Variants in SKAP2 observed in about 807,000 individuals in gnomAD.
SKAP2 encodes src kinase-associated phosphoprotein 2.
Under a neutral mutation model 54.9 loss-of-function variants are expected in SKAP2, and 28 were observed. That is an observed-to-expected ratio of 0.51 (90% CI 0.38 to 0.70). The LOEUF (loss-of-function observed/expected upper bound fraction) is 0.70, where lower values mean the gene tolerates loss of function less well. Among genes scored for constraint, SKAP2 ranks in the 30% least tolerant of loss-of-function variants. The pLI, the probability that SKAP2 is intolerant of heterozygous loss-of-function variation, is 0.00. For missense variants in SKAP2, 356 were observed against 424.1 expected (o/e 0.84, Z 1.41); for synonymous variants, 137 against 134.3 (o/e 1.02, Z -0.14).
chr7:26,855,957 T>C (rs886345767), intron 1 of SKAP2, among the ~76,000 whole-genome samples: 1 of 152,110 alleles, frequency 6.6e-6, no homozygotes, highest in African/African-American at 2.4e-5. Context: ...CAAAACAATA[T>C]TACGTATAAA....
rs143130133 is a variant in SKAP2 at position 26,701,314 on chromosome 7, G to T, written c.797-10952C>A. Among the ~76,000 whole-genome samples the T allele has an allele frequency of 4.9e-4, 75 of 152,190 alleles. 1 individual carries two copies. The highest frequency in any genetic ancestry group is 1.8e-3 in the African/African-American group (74 of 41,534). Reference sequence around the variant, plus strand: ...TGAACCACTGTCTCTAATAAGTTTTGAAAACAAAAACACACAACTGTCATA... The same window carrying T: ...TGAACCACTGTCTCTAATAAGTTTTTAAAACAAAAACACACAACTGTCATA... On this transcript the variant is annotated intron_variant, in intron 9 of 12. Transcript: ENST00000345317.
intron 4 of SKAP2, among the ~76,000 whole-genome samples, chr7:26,824,098 G>T (rs1784440693): frequency 2.6e-5 from 1 of 37,878 alleles, no homozygotes; most frequent in Admixed American, 3.3e-4. Flanking sequence ...ATGGAAAGAA[G>T]AATCAATCAA....
chr7:26,658,227 C>A, the SKAP2 span, among the ~76,000 whole-genome samples: 1 of 152,198 alleles, frequency 6.6e-6, no homozygotes, highest in African/African-American at 2.4e-5. Flanking sequence ...ACTTTGGAGA[C>A]CAATTTGTTT....
intron 1 of SKAP2, chr7:26,857,821 G>T: frequency 1.3e-6 from 1 of 764,462 alleles, no homozygotes; most frequent in Non-Finnish European, 1.6e-6. Context: ...CTGGCTGGTT[G>T]GAGAAGAGAT....
intron 4 of SKAP2, among the ~76,000 whole-genome samples, chr7:26,743,437 A>G (rs34616067): frequency 0.085 from 12,921 of 152,260 alleles, 611 homozygotes; most frequent in Middle Eastern, 0.16. Flanking sequence ...TAAGCATTGT[A>G]GCTACTTCTA....
intron 4 of SKAP2, among the ~76,000 whole-genome samples, chr7:26,741,094 A>C (rs1028569067): frequency 6.6e-6 from 1 of 152,196 alleles, no homozygotes; most frequent in Admixed American, 6.5e-5. Flanking sequence ...CATCCAGTGG[A>C]AATAGTTTCA....
chr7:26,805,865 C>T (rs1273974712), intron 4 of SKAP2, among the ~76,000 whole-genome samples: 1 of 152,168 alleles, frequency 6.6e-6, no homozygotes, highest in African/African-American at 2.4e-5. Flanking sequence ...ACATTGCAGA[C>T]ATCGCACCTT....
intron 9 of SKAP2, among the ~76,000 whole-genome samples, chr7:26,712,053 T>C (rs1265110109): frequency 1.3e-5 from 2 of 152,080 alleles, no homozygotes; most frequent in African/African-American, 2.4e-5. Context: ...TGAGTAACAA[T>C]TGATACCGTT....
chr7:26,861,963 T>A (rs1403397363), intron 1 of SKAP2, among the ~76,000 whole-genome samples: 2 of 152,020 alleles, frequency 1.3e-5, no homozygotes, highest in Non-Finnish European at 2.9e-5. Flanking sequence ...TAGTTCCTTA[T>A]CTTCTCTACC....
intron 11 of SKAP2, among the ~76,000 whole-genome samples, chr7:26,681,469 A>T (rs1036848557): frequency 1.8e-4 from 27 of 152,188 alleles, no homozygotes; most frequent in Admixed American, 5.9e-4. Context: ...ACAAAAAACA[A>T]AATTAAAACA....
At chr7:26,751,447 G>A (rs911533362) in intron 4 of SKAP2, among the ~76,000 whole-genome samples, 6 of 152,042 alleles carry the variant, frequency 3.9e-5, no homozygotes, top group Non-Finnish European at 7.4e-5. Flanking sequence ...ACGCAAATAC[G>A]TTCCCAAACA....
intron 4 of SKAP2, among the ~76,000 whole-genome samples, chr7:26,829,133 G>A (rs1338779678): frequency 6.6e-6 from 1 of 152,180 alleles, no homozygotes; most frequent in South Asian, 2.1e-4. Flanking sequence ...TCAAGAAAGT[G>A]AAATGAAAAC....
At chr7:26,751,237 CA>C (rs1782675211) in intron 4 of SKAP2, among the ~76,000 whole-genome samples, 1 of 152,010 alleles carries the variant, frequency 6.6e-6, no homozygotes, top group African/African-American at 2.4e-5. Context: ...TCTCCCAAAA[CA>C]ACCTTATTAT....
chr7:26,864,027 C>T (rs1484901046), intron 1 of SKAP2, among the ~76,000 whole-genome samples: 1 of 148,280 alleles, frequency 6.7e-6, no homozygotes, highest in African/African-American at 2.6e-5. Flanking sequence ...CTCTCTCCCT[C>T]TTCCACTCTT....
At chr7:26,851,761 T>C (rs1785049637) in intron 3 of SKAP2, among the ~76,000 whole-genome samples, 1 of 150,830 alleles carries the variant, frequency 6.6e-6, no homozygotes, top group African/African-American at 2.4e-5. Context: ...GTAAAATCTG[T>C]ATTGTTAAAT....
At chr7:26,753,314 T>C (rs1782724840) in intron 4 of SKAP2, among the ~76,000 whole-genome samples, 1 of 152,160 alleles carries the variant, frequency 6.6e-6, no homozygotes, top group Admixed American at 6.5e-5. Context: ...TGAGTGCACA[T>C]GGAAATCACC....
In SKAP2 at chr7:26,741,600, AC is replaced by A. The variant is rs1338579671; in HGVS notation, c.308-1637del. On this transcript the variant is annotated intron_variant, in intron 4 of 12. Transcript: ENST00000345317. ...TAAATTAATAAAATGAAATAACTAAACAAATATAATTGGATTCTTTGTAACA... is the reference window on the plus strand; with the variant it reads ...TAAATTAATAAAATGAAATAACTAAAAAATATAATTGGATTCTTTGTAACA... Among the ~76,000 whole-genome samples, 9 of 151,914 alleles carry A rather than the reference AC, an allele frequency of 5.9e-5. No individual in the cohort carries two copies. In the East Asian group the frequency reaches 1.7e-3, roughly 29 times the overall value.
chr7:26,764,103 G>C (rs532259172), intron 4 of SKAP2, among the ~76,000 whole-genome samples: 1 of 152,244 alleles, frequency 6.6e-6, no homozygotes, highest in Non-Finnish European at 1.5e-5. Context: ...CTAGACAAAA[G>C]ATAGCAGTTT....
chr7:26,794,010 A>G (rs1025168493), intron 4 of SKAP2, among the ~76,000 whole-genome samples: 9 of 152,208 alleles, frequency 5.9e-5, no homozygotes, highest in Admixed American at 1.3e-4. Flanking sequence ...TATATTAGCT[A>G]AAGCTGCTTC....
Sources: gnomAD v4.1 joint callset for allele counts (sites outside exome capture counted in the v4.1 genomes callset) on GRCh38, gnomAD v4.1.1 for gene constraint, MANE v1.5 for transcripts, NCBI Gene and HGNC (gene_info 2026-07-23, HGNC 2026-07-21) for gene names.